The following CCDC88A variants were observed in gnomAD, a reference collection of about 807,000 sequenced individuals.
CCDC88A encodes the protein coiled-coil and HOOK domain protein 88A, also known as girdin.
Under a neutral mutation model 234.3 loss-of-function variants are expected in CCDC88A, and 54 were observed. That is an observed-to-expected ratio of 0.23 (90% confidence interval 0.19 to 0.29). The LOEUF (loss-of-function observed/expected upper bound fraction) is 0.29. CCDC88A is among the 10% of genes least tolerant of loss of function. The probability of loss-of-function intolerance (pLI) is 1.00; values close to 1 mark genes in which losing one functional copy is unlikely to be tolerated. For synonymous variants in CCDC88A, 753 were observed against 737.8 expected (o/e 1.02, Z -0.33); for missense variants, 1,832 against 2,123.4 (o/e 0.86, Z 2.70).
rs1418741634 is a variant in CCDC88A, at chr2:55,401,433, C to CAAAAAAAAAAAAAAAAAAAAA, written c.165-12548_165-12547insTTTTTTTTTTTTTTTTTTTTT. 1.0e-4 allele frequency among the ~76,000 whole-genome samples: 3 copies of CAAAAAAAAAAAAAAAAAAAAA among 30,130 alleles called. 1 individual carries two copies. The highest frequency in any genetic ancestry group is 5.0e-4 in the Admixed American group (1 of 2,020). 19.8% of individuals were successfully genotyped at this position (30,130 alleles called of 152,430 possible). A position where few individuals can be genotyped will look rare whatever the true frequency, so the allele number is the denominator to read the frequency against. On this transcript the variant is annotated intron_variant, in intron 2 of 32. Coordinates refer to ENST00000436346, the MANE Select transcript of CCDC88A (RefSeq NM_001365480.1). ...TGGATGACAGAGAAAGACTCTGTCTCCAAAAAAAAAAAAAATATATATATA... is the reference window on the plus strand; with the variant it reads ...TGGATGACAGAGAAAGACTCTGTCTCAAAAAAAAAAAAAAAAAAAAACAAAAAAAAAAAAAATATATATATA...
intron 3 of CCDC88A, among the ~76,000 whole-genome samples, chr2:55,377,696 G>A (rs1169170564): frequency 1.3e-5 from 2 of 151,806 alleles, no homozygotes; most frequent in African/African-American, 4.8e-5. Flanking sequence ...TGCAACCTCC[G>A]CCTCCCAGGT....
intron 19 of CCDC88A, among the ~76,000 whole-genome samples, chr2:55,318,344 G>A (rs1683215811): frequency 6.6e-6 from 1 of 152,120 alleles, no homozygotes; most frequent in African/African-American, 2.4e-5. Flanking sequence ...ATTCGGAGAG[G>A]GAACTTGTTT....
intron 2 of CCDC88A, among the ~76,000 whole-genome samples, chr2:55,401,812 A>G (rs1678753012): frequency 6.6e-6 from 1 of 151,996 alleles, no homozygotes; most frequent in Admixed American, 6.6e-5. Flanking sequence ...TGGAAAATCT[A>G]TGACATTTTC....
Position 55,316,111 on chromosome 2 carries a change from C to A in CCDC88A, c.3750G>T (p.Leu1250=), listed in dbSNP as rs1271214441. ...TTAAAAGTTGACTATAGGTATGATT[C>A]AGCCTATAATTAGAAATCATAGAAA... ...YKKLCGENDR[L]NHTYSQLLKE... Residue 1250 remains leucine, a synonymous_variant, in exon 22 of 33, where the codon CTG becomes CTT. Coordinates refer to ENST00000436346, the MANE Select transcript of CCDC88A (RefSeq NM_001365480.1). 4 of 1,374,564 alleles carry A rather than the reference C, an allele frequency of 2.9e-6. No individual in the cohort carries two copies. The highest frequency in any genetic ancestry group is 4.0e-6 in the Non-Finnish European group (4 of 1,003,808). 85.1% of individuals were successfully genotyped at this position (1,374,564 alleles called of 1,614,324 possible). A position where few individuals can be genotyped will look rare whatever the true frequency, so the allele number is the denominator to read the frequency against.
chr2:55,382,569 C>T (rs1243477444), intron 3 of CCDC88A, among the ~76,000 whole-genome samples: 1 of 152,088 alleles, frequency 6.6e-6, no homozygotes, highest in Non-Finnish European at 1.5e-5. Context: ...CACCATCTCT[C>T]CCTTATTCAC....
intron 2 of CCDC88A, among the ~76,000 whole-genome samples, chr2:55,394,836 G>A (rs1331292223): frequency 6.7e-6 from 1 of 148,786 alleles, no homozygotes; most frequent in African/African-American, 2.5e-5. Flanking sequence ...GAAAAAAAAT[G>A]TTTTTGTTTT....
rs748764340 is a variant in CCDC88A, at chr2:55,332,555, T to G, written c.2855+11A>C. 41 of 1,607,512 alleles carry G rather than the reference T, an allele frequency of 2.6e-5. No individual in the cohort carries two copies. In the South Asian group the frequency reaches 4.6e-4, roughly 18 times the overall value. ...ATTTTCAACTGTTTGCCAAGTAGAC[T>G]TAGTACTCACCTGTCATCAGTACTT... On this transcript the variant is annotated intron_variant, in intron 16 of 32. Transcript: ENST00000436346. This position sits in a 1 kb window ranked among gnomAD's most constrained non-coding sequence, Gnocchi z 4.5.
chr2:55,294,459 TTA>T, intron 31 of CCDC88A: 2 of 843,798 alleles, frequency 2.4e-6, no homozygotes, highest in Non-Finnish European at 2.9e-6. Flanking sequence ...AATATGGGTA[TTA>T]GTTAATATTT....
At chr2:55,307,394 T>A (rs940964384) in intron 25 of CCDC88A, among the ~76,000 whole-genome samples, 1 of 151,360 alleles carries the variant, frequency 6.6e-6, no homozygotes, top group African/African-American at 2.4e-5. Context: ...AGTTTCACTC[T>A]TGTTGCCCAG....
Position 55,291,661 on chromosome 2 carries a change from A to T in CCDC88A, c.*35+15T>A. ...ATGAGACTAATCTCATTTACATTTT[A>T]AGCAGGAAACTCACCACTTGGCCCA... On this transcript the variant is annotated intron_variant, in intron 32 of 32. Transcript: ENST00000436346. 8.5e-7 allele frequency: 1 copy of T among 1,179,162 alleles called. No homozygotes were observed. The highest frequency in any genetic ancestry group is 1.2e-6 in the Non-Finnish European group (1 of 807,496). 73.0% of individuals were successfully genotyped at this position (1,179,162 alleles called of 1,614,324 possible).
At chr2:55,321,752 T>C (rs1243504341) in intron 18 of CCDC88A, among the ~76,000 whole-genome samples, 1 of 152,162 alleles carries the variant, frequency 6.6e-6, no homozygotes, top group East Asian at 1.9e-4. Context: ...AGGTATAAAT[T>C]TGTTAAAGAA....
intron 5 of CCDC88A, among the ~76,000 whole-genome samples, chr2:55,369,232 A>G (rs1384601874): frequency 6.6e-6 from 1 of 152,024 alleles, no homozygotes; most frequent in African/African-American, 2.4e-5. Context: ...ACAGGGTTTC[A>G]CTATGTCAGC....
chr2:55,361,506 G>A lies in CCDC88A; in HGVS notation c.627+802C>T, dbSNP rs117922965. The stretch of plus-strand genomic sequence containing the variant: ...GACTAACCCCTAGAGAGACAAGAAA[G>A]TTTTATTCTGAAAAAAATCTTTAGG... On this transcript the variant is annotated intron_variant, in intron 7 of 32. Transcript: ENST00000436346. 7.2e-4 allele frequency among the ~76,000 whole-genome samples: 109 copies of A among 152,196 alleles called. 1 individual carries two copies. In the East Asian group the frequency reaches 0.02, roughly 28 times the overall value.
Position 55,346,336 on chromosome 2 carries a change from A to G in CCDC88A, c.883-3T>C. 1 of 1,546,294 alleles carries G rather than the reference A, an allele frequency of 6.5e-7. No homozygotes were observed. The highest frequency in any genetic ancestry group is 8.8e-7 in the Non-Finnish European group (1 of 1,140,410). ...GCATCCGAAAGCAAATTCATGTTCTAAACAAAAATTTAAAATTATATTTTA... is the reference window on the plus strand; with the variant it reads ...GCATCCGAAAGCAAATTCATGTTCTGAACAAAAATTTAAAATTATATTTTA... On this transcript the variant is annotated splice_region_variant and splice_polypyrimidine_tract_variant and intron_variant, in intron 9 of 32. Coordinates refer to ENST00000436346, the MANE Select transcript of CCDC88A (RefSeq NM_001365480.1).
chr2:55,318,547 A>T (rs1683237286), intron 19 of CCDC88A, among the ~76,000 whole-genome samples: 1 of 152,206 alleles, frequency 6.6e-6, no homozygotes, highest in Non-Finnish European at 1.5e-5. Flanking sequence ...AAGGAATAGT[A>T]TGCTGCAAGC....
intron 31 of CCDC88A, chr2:55,292,096 G>A (rs188152099): frequency 5.2e-5 from 10 of 191,724 alleles, no homozygotes; most frequent in African/African-American, 9.3e-5. Context: ...GCATGTAGTA[G>A]CAAAACCATC....
At position 55,296,128 on chromosome 2, in the gene CCDC88A, T is replaced by G. The variant is rs573913483; in HGVS notation, c.5092-72A>C. 5.0e-5 allele frequency: 68 copies of G among 1,349,294 alleles called. No homozygotes were observed. In the South Asian group the frequency reaches 9.1e-4, roughly 18 times the overall value. 83.6% of individuals were successfully genotyped at this position (1,349,294 alleles called of 1,614,324 possible). On this transcript the variant is annotated intron_variant, in intron 30 of 32. Coordinates refer to ENST00000436346, the MANE Select transcript of CCDC88A (RefSeq NM_001365480.1). ...TTTTTACTTTCCTGATTTAGCAGAC[T>G]GTGCAATATAAAATTGTGGTACCTC...
At position 55,317,803 on chromosome 2, in the gene CCDC88A, G is replaced by A. The variant is rs375093667; in HGVS notation, c.3363C>T (p.Leu1121=). The A allele has an allele frequency of 3.4e-5, 54 of 1,609,408 alleles. No homozygotes were observed. Among genetic ancestry groups the A allele is most frequent in the Non-Finnish European group, 4.4e-5 (52 of 1,176,740 alleles). The stretch of plus-strand genomic sequence containing the variant: ...TTAGGAGTTGGGCATTCTGGTTCAT[G>A]AGTGAGGTACTTTGGGAATTAAGGG... The part of the protein sequence containing the change: ...NSTLNSQSTS[L]MNQNAQLLIQ... Residue 1121 remains leucine, a synonymous_variant, in exon 20 of 33, where the codon CTC becomes CTT. Coordinates refer to ENST00000436346, the MANE Select transcript of CCDC88A (RefSeq NM_001365480.1). This position sits in a 1 kb window ranked among gnomAD's most constrained non-coding sequence, Gnocchi z 4.2.
intron 29 of CCDC88A, among the ~76,000 whole-genome samples, chr2:55,299,135 T>C (rs1297397038): frequency 6.7e-6 from 1 of 148,256 alleles, no homozygotes; most frequent in Non-Finnish European, 1.5e-5. Flanking sequence ...ACCTGGGAGG[T>C]GGAGGTTACA....
Sources: allele counts gnomAD v4.1 joint callset (sites outside exome capture counted in the v4.1 genomes callset), GRCh38; gene constraint gnomAD v4.1.1; non-coding constraint Gnocchi (gnomAD v3.1); transcripts MANE v1.5; gene names NCBI Gene and HGNC (gene_info 2026-07-23, HGNC 2026-07-21).